Variants in ZNF225 observed in about 807,000 individuals in gnomAD.
The protein encoded by ZNF225 is zinc finger protein 225.
A neutral mutation model predicts 12.0 loss-of-function variants in ZNF225; 6 were observed. The observed-to-expected ratio is 0.50, with a 90% CI of 0.27 to 0.98. The LOEUF (loss-of-function observed/expected upper bound fraction) is 0.98, where lower values mean the gene tolerates loss of function less well. ZNF225 is among the 50% of genes least tolerant of loss of function. The pLI is 0.11. For missense variants in ZNF225, 763 were observed against 848.2 expected, an observed-to-expected ratio of 0.90 and a Z score of 1.25; for synonymous variants, 271 against 283.2, an observed-to-expected ratio of 0.96 and a Z score of 0.43.
rs764124862 is a variant in ZNF225 at position 44,113,431 on chromosome 19, T to G, written c.-207T>G. The G allele has an allele frequency of 3.3e-5, 5 of 152,218 alleles. No homozygotes were observed. The highest frequency in any genetic ancestry group is 7.3e-5 in the Non-Finnish European group (5 of 68,112). The allele number at this position is 152,218 out of a possible 1,614,324, so 9.4% of individuals were successfully genotyped here. On this transcript the variant is annotated 5_prime_UTR_variant, in exon 1 of 5. Transcript: ENST00000262894. ...TAGCGGGCCACTTCCGCTCCGTTAC[T>G]GTGAGGTTGCTGCAGTTTTGTCCCT...
At position 44,133,746 on chromosome 19, in the gene ZNF225, A is replaced by G. The variant is rs1474860154; in HGVS notation, c.*1011A>G. Reference sequence around the variant, plus strand: ...TGATATTTTGAGTACATTAGGTTAAAAGGCTTTCTTCAGCAAAATCTATCT... The same window carrying G: ...TGATATTTTGAGTACATTAGGTTAAGAGGCTTTCTTCAGCAAAATCTATCT... On this transcript the variant is annotated 3_prime_UTR_variant, in exon 5 of 5. Transcript: ENST00000262894. The G allele has an allele frequency of 2.6e-5, 4 of 152,008 alleles. No homozygotes were observed. Among genetic ancestry groups the G allele is most frequent in the Non-Finnish European group, 4.4e-5 (3 of 68,004 alleles). The allele number at this position is 152,008 out of a possible 1,614,324, so 9.4% of individuals were successfully genotyped here. A position where few individuals can be genotyped will look rare whatever the true frequency, so the allele number is the denominator to read the frequency against.
rs1200167263 is a variant in ZNF225, at chr19:44,133,785, T to C, written c.*1050T>C. 7.1e-6 allele frequency: 1 copy of C among 141,684 alleles called. No homozygotes were observed. Among genetic ancestry groups the C allele is most frequent in the African/African-American group, 2.6e-5 (1 of 37,794 alleles). 8.8% of individuals were successfully genotyped at this position (141,684 alleles called of 1,614,324 possible). ...CAAAATCTATCTCTAGAGATAGATT[T>C]GATTTTTATAATCAAATCTACTAGA... On this transcript the variant is annotated 3_prime_UTR_variant, in exon 5 of 5. Transcript: ENST00000262894.
intron 1 of ZNF225, chr19:44,114,242 C>G (rs1230009557): frequency 6.7e-6 from 6 of 895,924 alleles, no homozygotes; most frequent in Non-Finnish European, 1.1e-5. Flanking sequence ...TTTTCTTTGA[C>G]AGAGATGCTC....
At chr19:44,115,106 C>A (rs1452238549) in intron 1 of ZNF225, among the ~76,000 whole-genome samples, 1 of 152,150 alleles carries the variant, frequency 6.6e-6, no homozygotes, top group African/African-American at 2.4e-5. Flanking sequence ...ATTCATTCAA[C>A]TATAAATATT....
chr19:44,125,280 C>T (rs1968126843), intron 4 of ZNF225, among the ~76,000 whole-genome samples: 1 of 152,142 alleles, frequency 6.6e-6, no homozygotes, highest in Non-Finnish European at 1.5e-5. Flanking sequence ...CTGTATCTTC[C>T]ATTCATATAT....
intron 4 of ZNF225, among the ~76,000 whole-genome samples, chr19:44,121,166 G>C (rs751411039): frequency 6.6e-5 from 10 of 152,104 alleles, no homozygotes; most frequent in Non-Finnish European, 1.3e-4. Flanking sequence ...CAAAGTGCTG[G>C]GATTACAGGC....
At position 44,132,747 on chromosome 19, in the gene ZNF225, A is replaced by T. The variant is rs1412203539; in HGVS notation, c.*12A>T. 1 of 1,548,702 alleles carries T rather than the reference A, an allele frequency of 6.5e-7. No individual in the cohort carries two copies. Among genetic ancestry groups the T allele is most frequent in the East Asian group, 2.3e-5 (1 of 43,394 alleles). On this transcript the variant is annotated 3_prime_UTR_variant, in exon 5 of 5. Coordinates refer to ENST00000262894, the MANE Select transcript of ZNF225 (RefSeq NM_013362.4). ...TAAATGACACATAACTGTTGTACTC[A>T]TTTATGGGGTACAGTGTGATAGTTA...
At chr19:44,130,769 G>A in intron 4 of ZNF225, 81 bp from the exon 5 acceptor site, 2 of 1,163,968 alleles carry the variant, frequency 1.7e-6, no homozygotes, top group South Asian at 3.1e-5. Context: ...AAAATTTCAG[G>A]CTATGTCCTA....
Position 44,129,061 on chromosome 19 carries a change from C to T in ZNF225, c.236-1789C>T, listed in dbSNP as rs994998937. 2.4e-6 allele frequency: 3 copies of T among 1,231,482 alleles called. No homozygotes were observed. The African/African-American group carries it at 4.7e-5, about 19-fold the overall frequency. 76.3% of individuals were successfully genotyped at this position (1,231,482 alleles called of 1,614,324 possible). A position where few individuals can be genotyped will look rare whatever the true frequency, so the allele number is the denominator to read the frequency against. ...TGTCAGGTCCAGCCTTTCAGATTCC[C>T]ATCAAAACTGAAGGTTTCTGATCCT... is the stretch of plus-strand genomic sequence containing the variant. On this transcript the variant is annotated intron_variant, in intron 4 of 4. Coordinates refer to ENST00000262894, the MANE Select transcript of ZNF225 (RefSeq NM_013362.4).
intron 4 of ZNF225, among the ~76,000 whole-genome samples, chr19:44,120,372 G>C (rs889321261): frequency 1.3e-5 from 2 of 152,152 alleles, no homozygotes; most frequent in African/African-American, 4.8e-5. Context: ...CTATTCACAG[G>C]CTAGAAGGTA....
intron 2 of ZNF225, among the ~76,000 whole-genome samples, 154 bp from the exon 3 acceptor site, chr19:44,118,029 TAAATA>T (rs1967974913): frequency 6.6e-6 from 1 of 151,620 alleles, no homozygotes; most frequent in African/African-American, 2.4e-5. Context: ...AATAAATAAA[TAAATA>T]AAATAAAATA....
chr19:44,112,075 T>C (rs948595431), upstream of ZNF225: 3 of 152,200 alleles, frequency 2.0e-5, no homozygotes, highest in African/African-American at 7.2e-5. Context: ...ACAGACCAGT[T>C]TGAGGAGGCA....
At chr19:44,115,244 A>G (rs574283300) in intron 1 of ZNF225, among the ~76,000 whole-genome samples, 2 of 152,328 alleles carry the variant, frequency 1.3e-5, no homozygotes, top group African/African-American at 4.8e-5. Flanking sequence ...TTTCGTGTGT[A>G]CACTTTAATG....
In ZNF225 at chr19:44,118,561, A is replaced by C; in HGVS notation, c.222A>C (p.Arg74Ser). 6.2e-7 allele frequency: 1 copy of C among 1,612,692 alleles called. No individual in the cohort carries two copies. Among genetic ancestry groups the C allele is most frequent in the Non-Finnish European group, 8.5e-7 (1 of 1,179,076 alleles). The change falls in exon 4 of 5, where the codon AGA becomes AGC. Residue 74 changes from arginine (R) to serine (S), a missense_variant. By Grantham distance (110) the Arg-to-Ser change is moderately radical. Transcript: ENST00000262894. ...GGATGATGGAGACAGCAACCCAAAGAGAAGGGAATTTAGGTAAGAAGCAAG... is the reference window on the plus strand; with the variant it reads ...GGATGATGGAGACAGCAACCCAAAGCGAAGGGAATTTAGGTAAGAAGCAAG... ...KFWMMETATQ[R>S]EGNLGGKIQM...
chr19:44,131,493 T>C lies in ZNF225; in HGVS notation c.879T>C (p.Cys293=). The change falls in exon 5 of 5, where the codon TGT becomes TGC. Residue 293 remains cysteine (C), a synonymous_variant. Transcript: ENST00000262894. ...TGEKPFKCDI[C]CKSFRSRANL... ...AGAAGCCATTCAAATGTGATATATG[T>C]TGTAAGAGCTTCCGTAGTAGAGCAA... The C allele has an allele frequency of 1.2e-6, 2 of 1,614,162 alleles. No individual in the cohort carries two copies. The highest frequency in any genetic ancestry group is 2.2e-5 in the South Asian group (2 of 91,076).
intron 4 of ZNF225, among the ~76,000 whole-genome samples, chr19:44,120,903 CTT>C (rs113985967): frequency 0.039 from 5,786 of 147,800 alleles, 125 homozygotes; most frequent in South Asian, 0.072. Flanking sequence ...CCATTTCTCT[CTT>C]TTTTTTTTTT....
chr19:44,120,242 A>AT lies in ZNF225; in HGVS notation c.235+1675dup, dbSNP rs761269616. 1.2e-3 allele frequency among the ~76,000 whole-genome samples: 179 copies of AT among 151,966 alleles called. 1 individual carries two copies. The highest frequency in any genetic ancestry group is 2.0e-3 in the Non-Finnish European group (139 of 67,924). On this transcript the variant is annotated intron_variant, in intron 4 of 4. Transcript: ENST00000262894. ...AAAAAAACAAACAAAACACTGTTCT[A>AT]TTTTTTTCTTCTTGTGCTGTCTTGC...
rs1408017918 is a variant in ZNF225 at position 44,134,230 on chromosome 19, C to T, written c.*1495C>T. On this transcript the variant is annotated 3_prime_UTR_variant, in exon 5 of 5. Transcript: ENST00000262894. Reference sequence around the variant, plus strand: ...CCTCCAGTATTGAATTGTGACTGTACTTGTGAAATGTCTACAATGGAAATT... The same window carrying T: ...CCTCCAGTATTGAATTGTGACTGTATTTGTGAAATGTCTACAATGGAAATT... 1 of 152,106 alleles carries T rather than the reference C, an allele frequency of 6.6e-6. No individual in the cohort carries two copies. 9.4% of individuals were successfully genotyped at this position (152,106 alleles called of 1,614,324 possible).
At position 44,131,763 on chromosome 19, in the gene ZNF225, G is replaced by A. The variant is rs1391821182; in HGVS notation, c.1149G>A (p.Trp383Ter). ...NCKECGKSFR[W>*]ASGLSRHVRV... ...AAGAATGTGGAAAGAGCTTCAGATG[G>A]GCCTCAGGTCTTTCAAGACATGTGC... The change falls in exon 5 of 5, where the codon TGG (tryptophan) becomes TGA (stop). Residue 383 changes from tryptophan (W) to a stop codon, truncating the protein, a stop_gained. Transcript: ENST00000262894. LOFTEE classifies it low-confidence loss of function (END_TRUNC). 1.2e-6 allele frequency: 2 copies of A among 1,614,182 alleles called. No individual in the cohort carries two copies. The highest frequency in any genetic ancestry group is 1.7e-6 in the Non-Finnish European group (2 of 1,180,028).
Sources: allele counts gnomAD v4.1 joint callset (sites outside exome capture counted in the v4.1 genomes callset), GRCh38; gene constraint gnomAD v4.1.1; transcripts MANE v1.5; gene names NCBI Gene and HGNC (gene_info 2026-07-23, HGNC 2026-07-21).